Variants in ZC3HAV1 observed in about 807,000 individuals in gnomAD.
The protein encoded by ZC3HAV1 is zinc finger CCCH-type containing, antiviral 1.
A neutral mutation model predicts 86.6 loss-of-function variants in ZC3HAV1; 41 were observed. The ratio of observed to expected loss-of-function variants is 0.47; its 90% confidence interval spans 0.37 to 0.61. ZC3HAV1 has a LOEUF of 0.61. Among genes scored for constraint, ZC3HAV1 ranks in the 20% least tolerant of loss-of-function variants. The pLI, the probability that ZC3HAV1 is intolerant of heterozygous loss-of-function variation, is 0.00. For synonymous variants in ZC3HAV1, 421 were observed against 432.1 expected, an observed-to-expected ratio of 0.97 and a Z score of 0.32; for missense variants, 964 against 1,141.1, an observed-to-expected ratio of 0.84 and a Z score of 2.24.
Position 139,097,944 on chromosome 7 carries a change from A to G in ZC3HAV1, c.309-8185T>C, listed in dbSNP as rs1817655245. ...TATCAAAACTCTTTAAACCATACAC[A>G]TTATTTACCTTTTTTTTTAAGATGG... On this transcript the variant is annotated intron_variant, in intron 1 of 12. Coordinates refer to ENST00000242351, the MANE Select transcript of ZC3HAV1 (RefSeq NM_020119.4). Among the ~76,000 whole-genome samples, 2 of 150,790 alleles carry G rather than the reference A, an allele frequency of 1.3e-5. 1 individual carries two copies. Among genetic ancestry groups the G allele is most frequent in the South Asian group, 4.2e-4 (2 of 4,734 alleles).
intron 12 of ZC3HAV1, chr7:139,049,980 T>C: frequency 6.1e-6 from 1 of 163,540 alleles, no homozygotes. Flanking sequence ...TCATGGAGTT[T>C]TCTGGGTCAA....
At chr7:139,089,221 T>C (rs1203931284) in intron 2 of ZC3HAV1, among the ~76,000 whole-genome samples, 1 of 152,072 alleles carries the variant, frequency 6.6e-6, no homozygotes, top group Non-Finnish European at 1.5e-5. Flanking sequence ...ACATTTTATT[T>C]GAATCACTGT....
Position 139,109,586 on chromosome 7 carries a change from GA to G in ZC3HAV1, c.-256del, listed in dbSNP as rs1441138896. Reference sequence around the variant, plus strand: ...AGCCGGCCGCAAGGGCAACTGGGTGGAAAGAAAGAGAACGCGCGGGCAAATC... The same window carrying G: ...AGCCGGCCGCAAGGGCAACTGGGTGGAAGAAAGAGAACGCGCGGGCAAATC... On this transcript the variant is annotated 5_prime_UTR_variant, in exon 1 of 13. Coordinates refer to ENST00000242351, the MANE Select transcript of ZC3HAV1 (RefSeq NM_020119.4). 3 of 428,192 alleles carry G rather than the reference GA, an allele frequency of 7.0e-6. No homozygotes were observed. Among genetic ancestry groups the G allele is most frequent in the Non-Finnish European group, 1.2e-5 (3 of 243,386 alleles). 26.5% of individuals were successfully genotyped at this position (428,192 alleles called of 1,614,324 possible).
intron 6 of ZC3HAV1, among the ~76,000 whole-genome samples, chr7:139,074,754 A>T (rs1018858778): frequency 6.6e-6 from 1 of 152,118 alleles, no homozygotes. Context: ...ATAGTATTAA[A>T]TATAGTTACA....
chr7:139,064,155 C>T (rs898335310), intron 8 of ZC3HAV1, among the ~76,000 whole-genome samples: 6 of 152,312 alleles, frequency 3.9e-5, no homozygotes, highest in Admixed American at 1.3e-4. Flanking sequence ...GCCCACTAAG[C>T]GGTACAGGAT....
At chr7:139,090,980 T>C (rs1817412676) in intron 1 of ZC3HAV1, among the ~76,000 whole-genome samples, 1 of 152,154 alleles carries the variant, frequency 6.6e-6, no homozygotes, top group African/African-American at 2.4e-5. Flanking sequence ...GCCTCTATCC[T>C]AGCCATTCTC....
rs373658065 is a variant in ZC3HAV1, at chr7:139,055,303, T to C, written c.2097-8A>G. The C allele has an allele frequency of 1.1e-5, 17 of 1,609,740 alleles. No homozygotes were observed. The highest frequency in any genetic ancestry group is 1.4e-5 in the Non-Finnish European group (17 of 1,176,802). On this transcript the variant is annotated splice_region_variant and splice_polypyrimidine_tract_variant and intron_variant, in intron 9 of 12. Transcript: ENST00000242351. ...GTCTTTGCTGGCTGATGGCTACAAA[T>C]AAAGAGAAAGAATTCACTTAACTCT... is the stretch of plus-strand genomic sequence containing the variant.
chr7:139,061,695 T>C (rs1181737685), intron 8 of ZC3HAV1, among the ~76,000 whole-genome samples: 1 of 152,244 alleles, frequency 6.6e-6, no homozygotes, highest in Non-Finnish European at 1.5e-5. Flanking sequence ...TCCTATGTGA[T>C]TTAGCAATCC....
chr7:139,101,368 T>G (rs1287816096), intron 1 of ZC3HAV1, among the ~76,000 whole-genome samples: 8 of 118,094 alleles, frequency 6.8e-5, no homozygotes, highest in South Asian at 3.0e-4. Flanking sequence ...GAGCGCCTCT[T>G]CCCGGCCGCC....
intron 1 of ZC3HAV1, among the ~76,000 whole-genome samples, chr7:139,091,152 T>G (rs1009161249): frequency 2.0e-5 from 3 of 152,096 alleles, no homozygotes; most frequent in African/African-American, 7.2e-5. Context: ...AAGACTCCAC[T>G]TTATCAATCC....
intron 3 of ZC3HAV1, among the ~76,000 whole-genome samples, chr7:139,081,551 A>G: frequency 6.6e-6 from 1 of 152,192 alleles, no homozygotes; most frequent in East Asian, 1.9e-4. Flanking sequence ...TAGATATGGG[A>G]TCAGAACATG....
Position 139,074,272 on chromosome 7 carries a change from CA to C in ZC3HAV1, c.1698-243del, listed in dbSNP as rs553563081. ...TGTATTCTTCCCTCAGAAAATATCC[CA>C]AAATAAAACTGTGCCCACAAAACTC... On this transcript the variant is annotated intron_variant, in intron 6 of 12. Transcript: ENST00000242351. 4.3e-4 allele frequency among the ~76,000 whole-genome samples: 66 copies of C among 152,220 alleles called. No homozygotes were observed. The East Asian group carries it at 9.8e-3, about 23-fold the overall frequency.
intron 1 of ZC3HAV1, among the ~76,000 whole-genome samples, chr7:139,091,303 C>T (rs1817426847): frequency 6.6e-6 from 1 of 152,122 alleles, no homozygotes; most frequent in African/African-American, 2.4e-5. Flanking sequence ...ATCGAGACGT[C>T]CTGGCTAACA....
chr7:139,091,711 G>A (rs1209377618), intron 1 of ZC3HAV1, among the ~76,000 whole-genome samples: 19 of 151,950 alleles, frequency 1.3e-4, no homozygotes. Flanking sequence ...CGAACTCCTG[G>A]GCTCAAGCGA....
rs1818001319 is a variant in ZC3HAV1, at chr7:139,108,456, C to T, written c.308+568G>A. 1.3e-5 allele frequency among the ~76,000 whole-genome samples: 2 copies of T among 152,106 alleles called. No homozygotes were observed. The highest frequency in any genetic ancestry group is 4.2e-4 in the South Asian group (2 of 4,812). ...TTCAGGAACCTGGAAAAGGGCCACC[C>T]CTGCTACGCGCCAGGCATCAGAAAA... On this transcript the variant is annotated intron_variant, in intron 1 of 12. Transcript: ENST00000242351. The surrounding 1 kb of genome is among the most constrained non-coding windows in gnomAD (Gnocchi z 4.2).
intron 7 of ZC3HAV1, among the ~76,000 whole-genome samples, chr7:139,072,711 G>C (rs193102699): frequency 3.3e-5 from 5 of 152,122 alleles, no homozygotes; most frequent in African/African-American, 4.8e-5. Flanking sequence ...TCTAGTTCCA[G>C]TCCTTTAAGT....
intron 9 of ZC3HAV1, among the ~76,000 whole-genome samples, chr7:139,059,247 G>A (rs981954371): frequency 3.3e-5 from 5 of 152,124 alleles, no homozygotes; most frequent in South Asian, 2.1e-4. Context: ...GTAAGCTCCC[G>A]TGAGGGCATG....
rs1304880003 is a variant in ZC3HAV1, at chr7:139,064,926, A to G, written c.1946T>C (p.Val649Ala). The G allele has an allele frequency of 6.2e-7, 1 of 1,613,788 alleles. No homozygotes were observed. Among genetic ancestry groups the G allele is most frequent in the Non-Finnish European group, 8.5e-7 (1 of 1,179,976 alleles). ...ESLYQSCPRG[V>A]VPFQAGSRNY... is the part of the protein sequence containing the mutation. ...CCGTGAGCCCGCCTGAAATGGCACA[A>G]CTCCCCTCGGACAGGATTGATAGAG... Residue 649 changes from valine to alanine, a missense_variant, in exon 8 of 13, where the codon GTT becomes GCT. Val to Ala is a moderately conservative substitution (Grantham distance 64). Transcript: ENST00000242351.
intron 9 of ZC3HAV1, among the ~76,000 whole-genome samples, chr7:139,056,609 G>A (rs763004501): frequency 2.0e-5 from 3 of 151,684 alleles, no homozygotes; most frequent in Non-Finnish European, 2.9e-5. Flanking sequence ...AACTCACCAT[G>A]TTGCCCAGGC....
Sources: gnomAD v4.1 joint callset for allele counts (sites outside exome capture counted in the v4.1 genomes callset) on GRCh38, gnomAD v4.1.1 for gene constraint, Gnocchi (gnomAD v3.1) non-coding constraint, MANE v1.5 for transcripts, NCBI Gene and HGNC (gene_info 2026-07-23, HGNC 2026-07-21) for gene names.